The following TEAD1 variants were observed in gnomAD, a reference collection of about 807,000 sequenced individuals.
TEAD1 encodes the protein transcriptional enhancer factor TEF-1.
In TEAD1, 9 loss-of-function variants were observed where a neutral mutation model predicts 54.9. That is an observed-to-expected ratio of 0.16 (90% CI 0.10 to 0.29). The LOEUF (loss-of-function observed/expected upper bound fraction) is 0.29, where lower values mean the gene tolerates loss of function less well. TEAD1 is among the 10% of genes least tolerant of loss of function. The pLI is 1.00. For missense variants in TEAD1, 387 were observed against 535.9 expected (o/e 0.72, Z 2.74); for synonymous variants, 200 against 187.8 (o/e 1.07, Z -0.53).
chr11:12,838,122 A>G (rs1361454884), intron 3 of TEAD1, among the ~76,000 whole-genome samples: 1 of 152,098 alleles, frequency 6.6e-6, no homozygotes, highest in Non-Finnish European at 1.5e-5. Flanking sequence ...TGAAGACAAT[A>G]CTGTCACTTA....
intron 3 of TEAD1, among the ~76,000 whole-genome samples, chr11:12,823,924 C>A (rs995353278): frequency 3.3e-5 from 5 of 152,100 alleles, no homozygotes; most frequent in Admixed American, 2.0e-4. Flanking sequence ...AGAATGTTCA[C>A]AAAGGCTCAC....
chr11:12,732,001 C>T (rs865858497), intron 2 of TEAD1, among the ~76,000 whole-genome samples: 73 of 152,204 alleles, frequency 4.8e-4, no homozygotes, highest in Admixed American at 4.3e-3. Context: ...GGCCTTGTCA[C>T]ACTGAGTCAT....
chr11:12,766,740 C>A (rs1476995319), intron 3 of TEAD1, among the ~76,000 whole-genome samples: 3 of 152,142 alleles, frequency 2.0e-5, no homozygotes, highest in Non-Finnish European at 4.4e-5. Flanking sequence ...CATTTAGTGA[C>A]CGTGTTGGTG....
chr11:12,713,260 T>G, intron 2 of TEAD1, among the ~76,000 whole-genome samples: 1 of 152,132 alleles, frequency 6.6e-6, no homozygotes, highest in East Asian at 1.9e-4. Flanking sequence ...ACTCAAGTGG[T>G]TTTCCTGCCT....
chr11:12,923,650 T>C (rs534992543), intron 10 of TEAD1, among the ~76,000 whole-genome samples: 6 of 152,320 alleles, frequency 3.9e-5, no homozygotes, highest in African/African-American at 1.4e-4. Flanking sequence ...CTGGGTAATT[T>C]ATAAAGAACA....
chr11:12,793,142 A>G (rs1945840073), intron 3 of TEAD1, among the ~76,000 whole-genome samples: 1 of 152,074 alleles, frequency 6.6e-6, no homozygotes, highest in African/African-American at 2.4e-5. Context: ...TAATTTATAA[A>G]TATACGTTAT....
intron 2 of TEAD1, among the ~76,000 whole-genome samples, chr11:12,715,522 A>G (rs1418435796): frequency 6.6e-6 from 1 of 151,998 alleles, no homozygotes; most frequent in East Asian, 1.9e-4. Flanking sequence ...CTCCTGGGGA[A>G]GCTTGTTTCT....
At chr11:12,833,723 T>A (rs1233405177) in intron 3 of TEAD1, among the ~76,000 whole-genome samples, 1 of 152,214 alleles carries the variant, frequency 6.6e-6, no homozygotes, top group Admixed American at 6.5e-5. Context: ...TCCTTCCCAT[T>A]TGGTCACACA....
At chr11:12,840,266 A>AAAAAAAAAAAAAAAAAAAC in intron 3 of TEAD1, among the ~76,000 whole-genome samples, 1 of 81,172 alleles carries the variant, frequency 1.2e-5, no homozygotes, top group African/African-American at 3.7e-5. Flanking sequence ...AAAAAAAGAA[A>AAAAAAAAAAAAAAAAAAAC]AAAAAAAGAC....
intron 3 of TEAD1, chr11:12,828,378 G>A (rs1468108317): frequency 6.6e-6 from 1 of 152,184 alleles, no homozygotes; most frequent in Non-Finnish European, 1.5e-5. Context: ...TATAGCTTAT[G>A]CAGCAGACAT....
intron 2 of TEAD1, among the ~76,000 whole-genome samples, chr11:12,721,829 C>G (rs1176757282): frequency 6.6e-6 from 1 of 152,232 alleles, no homozygotes; most frequent in African/African-American, 2.4e-5. Flanking sequence ...AGCCCCCCGC[C>G]CCACTGTCCA....
At chr11:12,916,860 G>A (rs1205973495) in intron 10 of TEAD1, among the ~76,000 whole-genome samples, 1 of 152,194 alleles carries the variant, frequency 6.6e-6, no homozygotes, top group Non-Finnish European at 1.5e-5. Context: ...TGTGGGTGAG[G>A]AGGAGGAGAG....
At chr11:12,788,253 C>T (rs1264627365) in intron 3 of TEAD1, among the ~76,000 whole-genome samples, 1 of 151,838 alleles carries the variant, frequency 6.6e-6, no homozygotes, top group Non-Finnish European at 1.5e-5. Context: ...TCCCCTGTCT[C>T]ACCCTCTCTA....
rs563799348 is a variant in TEAD1 at position 12,690,249 on chromosome 11, A to T, written c.-55+14688A>T. 3.9e-3 allele frequency among the ~76,000 whole-genome samples: 596 copies of T among 151,054 alleles called. 4 individuals carry two copies. Among genetic ancestry groups the T allele is most frequent in the African/African-American group, 0.014 (567 of 40,616 alleles). On this transcript the variant is annotated intron_variant, in intron 2 of 12. Coordinates refer to ENST00000527636, the MANE Select transcript of TEAD1 (RefSeq NM_021961.6). ...AGAGTGAGACTCCGTCTCAAAAAAA[A>T]AAAAAAAAAAAAAATAATAAGCCCT... is the stretch of plus-strand genomic sequence containing the variant.
chr11:12,747,668 A>G (rs1282381472), intron 2 of TEAD1, among the ~76,000 whole-genome samples: 1 of 152,138 alleles, frequency 6.6e-6, no homozygotes, highest in African/African-American at 2.4e-5. Context: ...TTGAGAACCT[A>G]CGGTGTGTCT....
chr11:12,879,723 G>A lies in TEAD1; in HGVS notation c.346G>A (p.Asp116Asn). ...CACCTTCAAGGATCAGACTGCAAAG[G>A]ATAAGGCCCTGCAGCACATGGCGGC... Residue 116 changes from aspartate to asparagine, a missense_variant, in exon 6 of 13, where the codon GAT (aspartate) becomes AAT (asparagine). Transcript: ENST00000527636. 2 of 1,614,218 alleles carry A rather than the reference G, an allele frequency of 1.2e-6. No homozygotes were observed. The highest frequency in any genetic ancestry group is 2.2e-5 in the South Asian group (2 of 91,086).
At chr11:12,841,087 A>G (rs1947029863) in intron 3 of TEAD1, among the ~76,000 whole-genome samples, 1 of 152,230 alleles carries the variant, frequency 6.6e-6, no homozygotes. Context: ...AAGTTACATT[A>G]TTTTATGGAT....
intron 3 of TEAD1, among the ~76,000 whole-genome samples, chr11:12,836,448 C>T (rs985335348): frequency 2.0e-5 from 3 of 150,730 alleles, no homozygotes; most frequent in Non-Finnish European, 3.0e-5. Flanking sequence ...TGTTGCTTTT[C>T]CCGCGATGAT....
chr11:12,802,405 TGAA>T (rs1215709719), intron 3 of TEAD1, among the ~76,000 whole-genome samples: 1 of 152,184 alleles, frequency 6.6e-6, no homozygotes, highest in Non-Finnish European at 1.5e-5. Context: ...AGTTGAATCC[TGAA>T]GAAGGGGAGA....
Sources: allele counts gnomAD v4.1 joint callset (sites outside exome capture counted in the v4.1 genomes callset), GRCh38; gene constraint gnomAD v4.1.1; transcripts MANE v1.5; gene names NCBI Gene and HGNC (gene_info 2026-07-23, HGNC 2026-07-21).